LMTK2: variants seen among roughly 807,000 people sequenced by gnomAD.
LMTK2 encodes the protein lemur tail kinase 2.
A neutral mutation model predicts 127.5 loss-of-function variants in LMTK2; 37 were observed. The ratio of observed to expected loss-of-function variants is 0.29; its 90% CI spans 0.22 to 0.38. The LOEUF (loss-of-function observed/expected upper bound fraction) is 0.38, where lower values mean the gene tolerates loss of function less well. LMTK2 is among the 10% of genes least tolerant of loss of function. LMTK2 has a pLI of 1.00. For synonymous variants in LMTK2, 819 were observed against 810.1 expected (o/e 1.01, Z -0.19); for missense variants, 1,694 against 1,920.3 (o/e 0.88, Z 2.20).
chr7:98,187,489 T>G (rs1042189819), intron 9 of LMTK2, among the ~76,000 whole-genome samples: 1 of 152,196 alleles, frequency 6.6e-6, no homozygotes, highest in Non-Finnish European at 1.5e-5. Flanking sequence ...CTCCTTGCTT[T>G]CTTTTGGATT....
rs543954967 is a variant in LMTK2, at chr7:98,208,228, T to C, written c.*2736T>C. 6.6e-6 allele frequency: 1 copy of C among 152,314 alleles called. No homozygotes were observed. Among genetic ancestry groups the C allele is most frequent in the Admixed American group, 6.5e-5 (1 of 15,304 alleles). 9.4% of individuals were successfully genotyped at this position (152,314 alleles called of 1,614,324 possible). On this transcript the variant is annotated 3_prime_UTR_variant, in exon 14 of 14. Coordinates refer to ENST00000297293, the MANE Select transcript of LMTK2 (RefSeq NM_014916.4). ...AGTTGGGGGGTAGTGGATCTTAGTG[T>C]GGTGTTGCATGGAGGGGCGAGATTT...
chr7:98,178,153 A>G (rs146599738), intron 7 of LMTK2, among the ~76,000 whole-genome samples: 1 of 152,330 alleles, frequency 6.6e-6, no homozygotes, highest in African/African-American at 2.4e-5. Flanking sequence ...GAGATAAAGT[A>G]TGCCAAGCTG....
In LMTK2 at chr7:98,132,528, C is replaced by T. The variant is rs1392117059; in HGVS notation, c.104-4787C>T. The stretch of plus-strand genomic sequence containing the variant: ...CCTCCCAAAGTGCTGAGATTACAGG[C>T]GTGAGCCACCGCACCCAACCACCAA... On this transcript the variant is annotated intron_variant, in intron 1 of 13. Coordinates refer to ENST00000297293, the MANE Select transcript of LMTK2 (RefSeq NM_014916.4). 4.6e-5 allele frequency among the ~76,000 whole-genome samples: 7 copies of T among 152,100 alleles called. No homozygotes were observed. In the East Asian group the frequency reaches 7.7e-4, roughly 17 times the overall value.
At position 98,177,102 on chromosome 7, in the gene LMTK2, C is replaced by T. The variant is rs142362538; in HGVS notation, c.791+5428C>T. ...TCATTGGAAAAGAAGAGAACATTGC[C>T]CTTCTTTACTGGTGCCATGGTGTTG... On this transcript the variant is annotated intron_variant, in intron 7 of 13. Coordinates refer to ENST00000297293, the MANE Select transcript of LMTK2 (RefSeq NM_014916.4). Among the ~76,000 whole-genome samples the T allele has an allele frequency of 2.6e-3, 401 of 152,206 alleles. 2 individuals are homozygous for T. Among genetic ancestry groups the T allele is most frequent in the Non-Finnish European group, 4.6e-3 (316 of 68,000 alleles).
chr7:98,158,693 C>T (rs1432056409), intron 5 of LMTK2, among the ~76,000 whole-genome samples: 3 of 152,054 alleles, frequency 2.0e-5, no homozygotes, highest in Non-Finnish European at 4.4e-5. Flanking sequence ...AATCTAGAGA[C>T]TATTTATATG....
intron 7 of LMTK2, among the ~76,000 whole-genome samples, chr7:98,181,744 C>G (rs138100554): frequency 0.016 from 2,503 of 152,230 alleles, 55 homozygotes; most frequent in African/African-American, 0.056. Context: ...CTGCAACCTC[C>G]GCCTCCTGGG....
intron 1 of LMTK2, 85 bp downstream of exon 1, chr7:98,107,365 C>T (rs1252575594): frequency 4.2e-6 from 1 of 238,732 alleles, no homozygotes; most frequent in Non-Finnish European, 6.1e-6. Context: ...GCCTCGGCGC[C>T]GAGGAATCGG....
intron 1 of LMTK2, among the ~76,000 whole-genome samples, chr7:98,113,107 T>A (rs910171351): frequency 3.3e-5 from 5 of 152,150 alleles, no homozygotes; most frequent in African/African-American, 1.2e-4. Flanking sequence ...ACCCAATTCT[T>A]ATCTTGAATT....
In LMTK2 at chr7:98,205,361, C is replaced by T. The variant is rs563406479; in HGVS notation, c.4484-103C>T. 4.9e-6 allele frequency: 7 copies of T among 1,418,198 alleles called. No individual in the cohort carries two copies. The East Asian group carries it at 1.2e-4, about 23-fold the overall frequency. The allele number at this position is 1,418,198 out of a possible 1,614,324, so 87.9% of individuals were successfully genotyped here. On this transcript the variant is annotated intron_variant, in intron 13 of 13. Transcript: ENST00000297293. ...TCAGGCGGTGCTGGGCTCAAAACAC[C>T]CGCTTCCGTTCCTGTGGTGCAGCGC...
chr7:98,184,651 GAC>G (rs1221495203), intron 7 of LMTK2, among the ~76,000 whole-genome samples: 1 of 151,882 alleles, frequency 6.6e-6, no homozygotes. Context: ...GACCACCTTG[GAC>G]ACATGTCGTC....
chr7:98,154,094 G>A (rs1275691814), intron 4 of LMTK2, among the ~76,000 whole-genome samples: 1 of 151,648 alleles, frequency 6.6e-6, no homozygotes, highest in Admixed American at 6.6e-5. Flanking sequence ...ACCCTTATTC[G>A]CATTTTCATC....
chr7:98,121,750 C>T (rs1796364733), intron 1 of LMTK2, among the ~76,000 whole-genome samples: 1 of 152,128 alleles, frequency 6.6e-6, no homozygotes, highest in Non-Finnish European at 1.5e-5. Flanking sequence ...GCTGTAATCC[C>T]AGCACTTTGG....
At chr7:98,203,464 G>A (rs1797738474) in intron 11 of LMTK2, 110 bp from the exon 12 acceptor site, 12 of 1,384,702 alleles carry the variant, frequency 8.7e-6, no homozygotes, top group South Asian at 3.1e-5. Flanking sequence ...GTCTTGAGAC[G>A]CTTACTTCTC....
At position 98,107,016 on chromosome 7, in the gene LMTK2, C is replaced by G; in HGVS notation, c.-162C>G. The G allele has an allele frequency of 2.0e-6, 1 of 495,300 alleles. No individual in the cohort carries two copies. Among genetic ancestry groups the G allele is most frequent in the Non-Finnish European group, 3.5e-6 (1 of 289,572 alleles). The allele number at this position is 495,300 out of a possible 1,614,324, so 30.7% of individuals were successfully genotyped here. A position where few individuals can be genotyped will look rare whatever the true frequency, so the allele number is the denominator to read the frequency against. On this transcript the variant is annotated 5_prime_UTR_variant, in exon 1 of 14. Coordinates refer to ENST00000297293, the MANE Select transcript of LMTK2 (RefSeq NM_014916.4). ...CTGCGACTGGAGCGGCAGGTGCGGA[C>G]CGGGAGCCGGACCGAGGTTTGGCAG...
chr7:98,165,191 C>T (rs1797076284), intron 6 of LMTK2, among the ~76,000 whole-genome samples: 1 of 152,196 alleles, frequency 6.6e-6, no homozygotes, highest in African/African-American at 2.4e-5. Flanking sequence ...GGCCACTGCC[C>T]ACAACGGGGA....
At chr7:98,163,216 T>C (rs2116407011) in intron 6 of LMTK2, among the ~76,000 whole-genome samples, 1 of 152,268 alleles carries the variant, frequency 6.6e-6, no homozygotes, top group Admixed American at 6.5e-5. Context: ...GTAATGGTTG[T>C]GCAGCAAGAA....
intron 1 of LMTK2, among the ~76,000 whole-genome samples, chr7:98,127,173 G>A (rs1037711714): frequency 6.6e-6 from 1 of 152,168 alleles, no homozygotes; most frequent in Non-Finnish European, 1.5e-5. Context: ...AGTTTGAGGC[G>A]TTAAATAAAA....
chr7:98,149,840 A>G (rs1237438639), intron 3 of LMTK2, among the ~76,000 whole-genome samples: 1 of 152,228 alleles, frequency 6.6e-6, no homozygotes, highest in African/African-American at 2.4e-5. Context: ...AAGAGAATGA[A>G]AAGTCTAGCC....
intron 3 of LMTK2, among the ~76,000 whole-genome samples, chr7:98,148,853 C>G (rs1234470612): frequency 6.6e-6 from 1 of 152,228 alleles, no homozygotes; most frequent in Admixed American, 6.5e-5. Flanking sequence ...AGCTGAAAGC[C>G]TGTGTTCTTC....
Sources: allele counts gnomAD v4.1 joint callset (sites outside exome capture counted in the v4.1 genomes callset), GRCh38; gene constraint gnomAD v4.1.1; transcripts MANE v1.5; gene names NCBI Gene and HGNC (gene_info 2026-07-23, HGNC 2026-07-21).